Variants in NPNT observed in about 807,000 individuals in gnomAD.
NPNT encodes preosteoblast EGF-like repeat protein with MAM domain.
In NPNT, 45 loss-of-function variants were observed where a neutral mutation model predicts 68.6. The observed-to-expected ratio is 0.66, with a 90% confidence interval of 0.52 to 0.84. The LOEUF (loss-of-function observed/expected upper bound fraction) is 0.84, where lower values mean the gene tolerates loss of function less well. NPNT is among the 40% of genes least tolerant of loss of function. The pLI, the probability that NPNT is intolerant of heterozygous loss-of-function variation, is 0.00. For synonymous variants in NPNT, 233 were observed against 253.3 expected, an observed-to-expected ratio of 0.92 and a Z score of 0.76; for missense variants, 672 against 714.8, an observed-to-expected ratio of 0.94 and a Z score of 0.68.
chr4:105,940,672 C>T (rs1225699628), intron 7 of NPNT, 36 bp downstream of exon 7: 1 of 1,590,280 alleles, frequency 6.3e-7, no homozygotes, highest in East Asian at 2.2e-5. Context: ...TAAATTCTAG[C>T]AGGAAATACA....
chr4:105,919,947 A>T (rs1308508323), intron 2 of NPNT, among the ~76,000 whole-genome samples: 1 of 152,034 alleles, frequency 6.6e-6, no homozygotes, highest in African/African-American at 2.4e-5. Flanking sequence ...TGAAAGTTTT[A>T]ACATCTATGG....
chr4:105,957,723 AGGGAAGAATTTGATTCTGCCTG>A (rs1309595279), intron 8 of NPNT, among the ~76,000 whole-genome samples: 1 of 152,168 alleles, frequency 6.6e-6, no homozygotes, highest in Non-Finnish European at 1.5e-5. Flanking sequence ...GAGGTACAAG[AGGGAAGAATTTGATTCTGCCTG>A]GGGCAGAATC....
intron 8 of NPNT, among the ~76,000 whole-genome samples, chr4:105,945,657 C>A (rs1269160193): frequency 1.3e-5 from 2 of 152,164 alleles, no homozygotes; most frequent in Non-Finnish European, 2.9e-5. Context: ...CCACCCTGGC[C>A]CAAGCCATCT....
intron 8 of NPNT, among the ~76,000 whole-genome samples, chr4:105,944,421 A>AT: frequency 6.6e-6 from 1 of 152,262 alleles, no homozygotes; most frequent in Non-Finnish European, 1.5e-5. Flanking sequence ...TACGCTAAAT[A>AT]TTTTTTTCAT....
intron 3 of NPNT, chr4:105,932,578 A>G: frequency 6.9e-7 from 1 of 1,440,144 alleles, no homozygotes; most frequent in Non-Finnish European, 9.4e-7. Context: ...ACATCAGTTC[A>G]AAGTTGACTC....
At chr4:105,908,440 T>C (rs953684046) in intron 2 of NPNT, among the ~76,000 whole-genome samples, 1 of 152,202 alleles carries the variant, frequency 6.6e-6, no homozygotes, top group African/African-American at 2.4e-5. Flanking sequence ...TCACTTACTC[T>C]GAAATGTTAG....
intron 2 of NPNT, among the ~76,000 whole-genome samples, chr4:105,924,173 C>G (rs1728499381): frequency 6.6e-6 from 1 of 152,140 alleles, no homozygotes; most frequent in Admixed American, 6.5e-5. Flanking sequence ...GTTCTTTCAT[C>G]TCTCTATCAC....
chr4:105,929,381 G>A (rs1728939155), intron 3 of NPNT: 1 of 152,204 alleles, frequency 6.6e-6, no homozygotes, highest in Non-Finnish European at 1.5e-5. Context: ...CTATTCTAAA[G>A]TGTGTTCTTG....
intron 8 of NPNT, among the ~76,000 whole-genome samples, chr4:105,950,254 G>A (rs879803737): frequency 1.3e-5 from 2 of 152,156 alleles, no homozygotes; most frequent in East Asian, 1.9e-4. Flanking sequence ...ACATCACTTG[G>A]ACCAGGAAAC....
At chr4:105,958,995 G>C (rs1272722737) in intron 9 of NPNT, 33 bp from the exon 10 acceptor site, 1 of 1,364,210 alleles carries the variant, frequency 7.3e-7, no homozygotes. Flanking sequence ...TTGATTTTCT[G>C]ATCCACTCAT....
intron 8 of NPNT, among the ~76,000 whole-genome samples, chr4:105,955,165 A>G (rs1051452863): frequency 2.0e-5 from 3 of 152,196 alleles, no homozygotes; most frequent in Non-Finnish European, 4.4e-5. Context: ...AATAGCAGGT[A>G]TGCATTTGTT....
In NPNT at chr4:105,937,068, G is replaced by A. The variant is rs374915296; in HGVS notation, c.325G>A (p.Gly109Ser). 19 of 1,613,438 alleles carry A rather than the reference G, an allele frequency of 1.2e-5. No individual in the cohort carries two copies. The South Asian group carries it at 1.4e-4, about 12-fold the overall frequency. ...PCKHRCMNTY[G>S]SYKCYCLNGY... ...TAAGCACAGGTGCATGAACACTTAC[G>A]GCAGCTACAAGTGCTACTGTCTCAA... The change falls in exon 4 of 12, where the codon GGC becomes AGC. Residue 109 changes from glycine (G) to serine (S), a missense_variant. Physicochemically the swap from Gly to Ser is moderately conservative, Grantham distance 56. Coordinates refer to ENST00000379987, the MANE Select transcript of NPNT (RefSeq NM_001033047.3).
intron 8 of NPNT, among the ~76,000 whole-genome samples, chr4:105,951,149 G>A (rs1730804103): frequency 6.6e-6 from 1 of 152,164 alleles, no homozygotes; most frequent in African/African-American, 2.4e-5. Context: ...GCCAAATGTA[G>A]GCTATTTAAA....
rs143758714 is a variant in NPNT, at chr4:105,942,685, C to T, written c.1142C>T (p.Pro381Leu). ...AGGGTACAGACAGACCCTCAGAAAC[C>T]CAGAGGAGATGTGTTCAGTAAGTCT... The part of the protein sequence containing the change: ...DNRVQTDPQK[P>L]RGDVFIPRQP... Residue 381 changes from proline (P) to leucine (L), a missense_variant, in exon 8 of 12, where the codon CCC becomes CTC. Transcript: ENST00000379987. The T allele has an allele frequency of 4.3e-3, 6,931 of 1,610,818 alleles. 24 individuals carry two copies. Among genetic ancestry groups the T allele is most frequent in the Middle Eastern group, 7.3e-3 (44 of 6,034 alleles).
At chr4:105,895,935 C>T (rs2149304921) in intron 1 of NPNT, 7 of 556,224 alleles carry the variant, frequency 1.3e-5, no homozygotes, top group Non-Finnish European at 1.9e-5. Flanking sequence ...GAGTCTGGGA[C>T]CCCATCCGCG....
intron 2 of NPNT, chr4:105,902,616 A>G (rs1277531897): frequency 6.6e-6 from 1 of 152,216 alleles, no homozygotes; most frequent in Non-Finnish European, 1.5e-5. Flanking sequence ...ATTACTTGCA[A>G]CATTAAACTT....
intron 2 of NPNT, among the ~76,000 whole-genome samples, chr4:105,917,760 A>G (rs1053711304): frequency 5.9e-5 from 9 of 152,142 alleles, no homozygotes; most frequent in African/African-American, 2.2e-4. Flanking sequence ...ATTCCATGTG[A>G]AAGTGTGGAG....
At chr4:105,934,982 C>G (rs1443957801) in intron 3 of NPNT, among the ~76,000 whole-genome samples, 1 of 152,204 alleles carries the variant, frequency 6.6e-6, no homozygotes, top group Non-Finnish European at 1.5e-5. Flanking sequence ...TGTAGAAGAG[C>G]TGCCCCAACT....
chr4:105,915,578 G>GTAACA (rs1269410826), intron 2 of NPNT, among the ~76,000 whole-genome samples: 1 of 152,160 alleles, frequency 6.6e-6, no homozygotes, highest in East Asian at 1.9e-4. Context: ...TTCACATTCA[G>GTAACA]TAACATGGTG....
Sources: allele counts gnomAD v4.1 joint callset (sites outside exome capture counted in the v4.1 genomes callset), GRCh38; gene constraint gnomAD v4.1.1; transcripts MANE v1.5; gene names NCBI Gene and HGNC (gene_info 2026-07-23, HGNC 2026-07-21).